ZNF792: variants seen among roughly 807,000 people sequenced by gnomAD.
ZNF792 encodes the protein zinc finger protein 792.
Under a neutral mutation model 13.1 loss-of-function variants are expected in ZNF792, and 14 were observed. The observed-to-expected ratio is 1.07, with a 90% CI of 0.71 to 1.67. The LOEUF (loss-of-function observed/expected upper bound fraction) is 1.67, where lower values mean the gene tolerates loss of function less well. Ranked by LOEUF, ZNF792 falls within the 40% of genes most tolerant of loss-of-function variation. The pLI, the probability that ZNF792 is intolerant of heterozygous loss-of-function variation, is 0.00. For missense variants in ZNF792, 740 were observed against 807.9 expected (o/e 0.92, Z 1.02); for synonymous variants, 257 against 292.0 (o/e 0.88, Z 1.22).
chr19:34,964,085 T>G lies in ZNF792; in HGVS notation c.-423A>C. The G allele has an allele frequency of 2.3e-5, 4 of 174,556 alleles. No homozygotes were observed. Among genetic ancestry groups the G allele is most frequent in the Non-Finnish European group, 4.8e-5 (4 of 83,012 alleles). The allele number at this position is 174,556 out of a possible 1,614,324, so 10.8% of individuals were successfully genotyped here. ...ACCTGCGAGGCTGCAGTGCAGGAAG[T>G]TCCGGCCCCCACCGTGGCGGCCGGG... On this transcript the variant is annotated 5_prime_UTR_variant, in exon 1 of 4. Coordinates refer to ENST00000404801, the MANE Select transcript of ZNF792 (RefSeq NM_175872.5).
rs200491664 is a variant in ZNF792, at chr19:34,960,186, A to G, written c.283+49T>C. On this transcript the variant is annotated intron_variant, in intron 3 of 3. Coordinates refer to ENST00000404801, the MANE Select transcript of ZNF792 (RefSeq NM_175872.5). ...AGGAGAGAAGATGCTGGTATGATGT[A>G]AACACAGTGGTGAAGTCACATCCTC... The G allele has an allele frequency of 4.5e-3, 7,135 of 1,601,494 alleles. 321 individuals are homozygous for G. In the South Asian group the frequency reaches 0.07, roughly 16 times the overall value.
intron 2 of ZNF792, 146 bp downstream of exon 2, chr19:34,960,722 C>A (rs145860162): frequency 5.8e-5 from 73 of 1,258,754 alleles, no homozygotes; most frequent in Non-Finnish European, 5.9e-5. Context: ...CATAGCTCAG[C>A]CCCAGAAGCC....
rs1017497572 is a variant in ZNF792 at position 34,956,690 on chromosome 19, C to G, written c.*1266G>C. Reference sequence around the variant, plus strand: ...TTTGGCAACCCTATATTGACTCTGTCATCTCTTTCTTCTTGCCTTGGGAGC... The same window carrying G: ...TTTGGCAACCCTATATTGACTCTGTGATCTCTTTCTTCTTGCCTTGGGAGC... On this transcript the variant is annotated 3_prime_UTR_variant, in exon 4 of 4. Transcript: ENST00000404801. 2.6e-5 allele frequency: 4 copies of G among 152,198 alleles called. No individual in the cohort carries two copies. In the East Asian group the frequency reaches 7.7e-4, roughly 29 times the overall value. The allele number at this position is 152,198 out of a possible 1,614,324, so 9.4% of individuals were successfully genotyped here.
At chr19:34,960,691 G>T in intron 2 of ZNF792, 177 bp downstream of exon 2, 2 of 969,612 alleles carry the variant, frequency 2.1e-6, no homozygotes, top group Non-Finnish European at 1.5e-6. Context: ...GGGCAGCTCA[G>T]GGAGAGGAGG....
Position 34,959,299 on chromosome 19 carries a change from T to A in ZNF792, c.556A>T (p.Asn186Tyr). ...TGGCCCTCCTCCGTTCTGATAGGGT[T>A]GTGTACGTTCTGCTGCACCTGTTTC... The part of the protein sequence containing the change: ...PRKQVQQNVH[N>Y]PIRTEEGQAS... The change falls in exon 4 of 4, where the codon AAC becomes TAC. Residue 186 changes from asparagine to tyrosine, a missense_variant. Coordinates refer to ENST00000404801, the MANE Select transcript of ZNF792 (RefSeq NM_175872.5). The A allele has an allele frequency of 6.2e-7, 1 of 1,614,030 alleles. No individual in the cohort carries two copies. Among genetic ancestry groups the A allele is most frequent in the South Asian group, 1.1e-5 (1 of 91,080 alleles).
chr19:34,959,692 T>C, intron 3 of ZNF792, 121 bp from the exon 4 acceptor site: 1 of 1,119,770 alleles, frequency 8.9e-7, no homozygotes, highest in South Asian at 1.8e-5. Context: ...ACAAGAAGGC[T>C]CAGGTCAGGG....
In ZNF792 at chr19:34,959,627, C is replaced by T. The variant is rs930919578; in HGVS notation, c.284-56G>A. 5 of 1,496,336 alleles carry T rather than the reference C, an allele frequency of 3.3e-6. No individual in the cohort carries two copies. The African/African-American group carries it at 7.0e-5, about 21-fold the overall frequency. 92.7% of individuals were successfully genotyped at this position (1,496,336 alleles called of 1,614,324 possible). On this transcript the variant is annotated intron_variant, in intron 3 of 3. Coordinates refer to ENST00000404801, the MANE Select transcript of ZNF792 (RefSeq NM_175872.5). The stretch of plus-strand genomic sequence containing the variant: ...TATAAACTTTAATAGAAGGAAAGAG[C>T]CCCATCACCTATGCTTGGCTGACCC...
Position 34,957,893 on chromosome 19 carries a change from G to C in ZNF792, c.*63C>G. ...ACAACCCCAGCAGTGAAAAAACGCT[G>C]ATAAACTCTACAGTAAGAGAATGTA... On this transcript the variant is annotated 3_prime_UTR_variant, in exon 4 of 4. Coordinates refer to ENST00000404801, the MANE Select transcript of ZNF792 (RefSeq NM_175872.5). 2 of 1,485,036 alleles carry C rather than the reference G, an allele frequency of 1.3e-6. No homozygotes were observed. The highest frequency in any genetic ancestry group is 1.8e-6 in the Non-Finnish European group (2 of 1,113,214). The allele number at this position is 1,485,036 out of a possible 1,614,324, so 92.0% of individuals were successfully genotyped here.
intron 1 of ZNF792, among the ~76,000 whole-genome samples, chr19:34,961,468 T>C (rs2013526874): frequency 1.3e-5 from 2 of 152,284 alleles, no homozygotes; most frequent in South Asian, 4.1e-4. Flanking sequence ...CGAGTCACTC[T>C]GCACATGGCA....
At chr19:34,960,819 G>A (rs774013093) in intron 2 of ZNF792, 49 bp downstream of exon 2, 1 of 1,613,210 alleles carries the variant, frequency 6.2e-7, no homozygotes, top group Non-Finnish European at 8.5e-7. Context: ...GGGCAAAGGG[G>A]ACAGGCAGAG....
intron 1 of ZNF792, among the ~76,000 whole-genome samples, chr19:34,963,302 C>G (rs1157687124): frequency 6.6e-6 from 1 of 152,108 alleles, no homozygotes; most frequent in Non-Finnish European, 1.5e-5. Flanking sequence ...ATAACACTGA[C>G]CTGGGTGGGG....
chr19:34,958,373 A>C lies in ZNF792; in HGVS notation c.1482T>G (p.Asn494Lys). 1.2e-6 allele frequency: 2 copies of C among 1,613,636 alleles called. No homozygotes were observed. The highest frequency in any genetic ancestry group is 1.7e-6 in the Non-Finnish European group (2 of 1,179,802). ...GKLFSQSSSL[N>K]SHRRLHTGER... The stretch of plus-strand genomic sequence containing the variant: ...CACCAGTGTGAAGTCTCCGATGGCT[A>C]TTGAGGCTGGAGCTCTGGCTAAATA... Residue 494 changes from asparagine to lysine, a missense_variant, in exon 4 of 4, where the codon AAT (asparagine) becomes AAG (lysine). Coordinates refer to ENST00000404801, the MANE Select transcript of ZNF792 (RefSeq NM_175872.5).
At position 34,958,138 on chromosome 19, in the gene ZNF792, G is replaced by T. The variant is rs2013460695; in HGVS notation, c.1717C>A (p.Gln573Lys). 1 of 1,613,708 alleles carries T rather than the reference G, an allele frequency of 6.2e-7. No homozygotes were observed. The highest frequency in any genetic ancestry group is 8.5e-7 in the Non-Finnish European group (1 of 1,179,728). ...ECSECGKAFN[Q>K]RPTLIRHQKI... ...TGATGCCGAATGAGGGTAGGCCTTT[G>T]GTTGAAGGCTTTCCCACATTCGCTG... The change falls in exon 4 of 4, where the codon CAA (glutamine) becomes AAA (lysine). Residue 573 changes from glutamine to lysine, a missense_variant. Transcript: ENST00000404801.
chr19:34,961,104 C>G (rs2013522149), intron 1 of ZNF792, 110 bp from the exon 2 acceptor site: 2 of 1,475,576 alleles, frequency 1.4e-6, no homozygotes, highest in Non-Finnish European at 1.8e-6. Flanking sequence ...AGGTAGCAGG[C>G]CCTGGTTCTG....
chr19:34,963,520 G>C, intron 1 of ZNF792, 110 bp downstream of exon 1: 1 of 1,480,494 alleles, frequency 6.8e-7, no homozygotes, highest in East Asian at 2.5e-5. Context: ...TCAAAAGCAA[G>C]GAAATGGGAA....
At chr19:34,960,168 A>G in intron 3 of ZNF792, 67 bp downstream of exon 3, 1 of 1,580,224 alleles carries the variant, frequency 6.3e-7, no homozygotes, top group South Asian at 1.1e-5. Context: ...AATAGGAGAG[A>G]AGATGCTGGT....
rs909131279 is a variant in ZNF792 at position 34,960,439 on chromosome 19, C to T, written c.161-82G>A. The T allele has an allele frequency of 1.4e-5, 22 of 1,530,338 alleles. No individual in the cohort carries two copies. In the East Asian group the frequency reaches 1.7e-4, roughly 12 times the overall value. The allele number at this position is 1,530,338 out of a possible 1,614,324, so 94.8% of individuals were successfully genotyped here. ...TGATAGACTACAAGACAGGAAGCTC[C>T]GTATGACACAGGGACATTGGGTGGT... On this transcript the variant is annotated intron_variant, in intron 2 of 3. Transcript: ENST00000404801.
Position 34,957,879 on chromosome 19 carries a change from A to T in ZNF792, c.*77T>A. 1 of 1,411,142 alleles carries T rather than the reference A, an allele frequency of 7.1e-7. No individual in the cohort carries two copies. Among genetic ancestry groups the T allele is most frequent in the South Asian group, 1.5e-5 (1 of 67,626 alleles). The allele number at this position is 1,411,142 out of a possible 1,614,324, so 87.4% of individuals were successfully genotyped here. ...ACATGGCTTCTATCACAACCCCAGCAGTGAAAAAACGCTGATAAACTCTAC... is the reference window on the plus strand; with the variant it reads ...ACATGGCTTCTATCACAACCCCAGCTGTGAAAAAACGCTGATAAACTCTAC... On this transcript the variant is annotated 3_prime_UTR_variant, in exon 4 of 4. Coordinates refer to ENST00000404801, the MANE Select transcript of ZNF792 (RefSeq NM_175872.5).
chr19:34,958,467 GA>G lies in ZNF792; in HGVS notation c.1387del (p.Ser463LeufsTer4), dbSNP rs1438163357. ...AACTCGCTGATGTTTCATGAGGTCA[GA>G]GCTTCGGCTGAAGGCTTTCCCACAC... Reference protein sequence around the residue: ...GECGKAFSRSSDLMKHQRVHT... With the variant: ...GECGKAFSRSXDLMKHQRVHT... On this transcript the variant is annotated frameshift_variant, in exon 4 of 4. Coordinates refer to ENST00000404801, the MANE Select transcript of ZNF792 (RefSeq NM_175872.5). LOFTEE classifies it low-confidence loss of function (END_TRUNC). 3 of 1,603,738 alleles carry G rather than the reference GA, an allele frequency of 1.9e-6. No homozygotes were observed. The highest frequency in any genetic ancestry group is 2.6e-6 in the Non-Finnish European group (3 of 1,174,420).
Sources: gnomAD v4.1 joint callset for allele counts (sites outside exome capture counted in the v4.1 genomes callset) on GRCh38, gnomAD v4.1.1 for gene constraint, MANE v1.5 for transcripts, NCBI Gene and HGNC (gene_info 2026-07-23, HGNC 2026-07-21) for gene names.